The following NHSL1 variants were observed in gnomAD, a reference collection of about 807,000 sequenced individuals.
NHSL1 encodes the protein NHS-like protein 1.
A neutral mutation model predicts 95.0 loss-of-function variants in NHSL1; 48 were observed. That is an observed-to-expected ratio of 0.51 (90% confidence interval 0.40 to 0.64). The LOEUF (loss-of-function observed/expected upper bound fraction) is 0.64. NHSL1 is among the 30% of genes least tolerant of loss of function. The pLI, the probability that NHSL1 is intolerant of heterozygous loss-of-function variation, is 0.00. For synonymous variants in NHSL1, 783 were observed against 833.9 expected (o/e 0.94, Z 1.05); for missense variants, 1,971 against 2,077.7 (o/e 0.95, Z 1.00).
At chr6:138,545,794 C>G, upstream of NHSL1, 1 of 1,198,078 alleles carries the variant, frequency 8.3e-7, no homozygotes, top group Non-Finnish European at 1.1e-6. Context: ...TGCCCAATCC[C>G]CAGCCTGCTG....
intron 1 of NHSL1, among the ~76,000 whole-genome samples, chr6:138,640,696 A>G (rs1784948635): frequency 6.6e-6 from 1 of 152,254 alleles, no homozygotes; most frequent in Admixed American, 6.5e-5. Flanking sequence ...GCTTCTGGTC[A>G]ACAGAAGGTC....
Position 138,432,136 on chromosome 6 carries a change from G to C in NHSL1, c.2209C>G (p.Arg737Gly). The change falls in exon 6 of 8, where the codon CGG becomes GGG. Residue 737 changes from arginine to glycine, a missense_variant. Coordinates refer to ENST00000343505, the MANE Select transcript of NHSL1 (RefSeq NM_001144060.2). The surrounding 1 kb of genome is among the most constrained non-coding windows in gnomAD (Gnocchi z 4.4). ...CCAGCACTAACTGTGCTCTGGCTCC[G>C]GGAGCGGGGCAGCCAGGGCTCTTCC... ...DLEEPWLPRS[R>G]SQSTVSAGSS... The C allele has an allele frequency of 1.9e-6, 3 of 1,549,642 alleles. No individual in the cohort carries two copies. Among genetic ancestry groups the C allele is most frequent in the African/African-American group, 1.4e-5 (1 of 73,152 alleles).
intron 1 of NHSL1, among the ~76,000 whole-genome samples, chr6:138,644,858 A>C (rs1784996819): frequency 6.6e-6 from 1 of 152,232 alleles, no homozygotes; most frequent in Admixed American, 6.5e-5. Context: ...TATTGGTAGA[A>C]TACTTACTAT....
chr6:138,676,257 C>T lies in NHSL1; in HGVS notation c.96+16219G>A, dbSNP rs149595694. Among the ~76,000 whole-genome samples, 483 of 152,148 alleles carry T rather than the reference C, an allele frequency of 3.2e-3. 2 individuals are homozygous for T. The highest frequency in any genetic ancestry group is 0.011 in the African/African-American group (466 of 41,514). ...AAAAGATCCAAAAACCTCAAAATAACCCAATTAACAAATCTAACCATCAGC... is the reference window on the plus strand; with the variant it reads ...AAAAGATCCAAAAACCTCAAAATAATCCAATTAACAAATCTAACCATCAGC... On this transcript the variant is annotated intron_variant, in intron 1 of 3. Coordinates refer to the NHSL1 transcript ENST00000491526.
At chr6:138,442,708 A>G (rs1314391718) in intron 4 of NHSL1, among the ~76,000 whole-genome samples, 2 of 152,238 alleles carry the variant, frequency 1.3e-5, no homozygotes, top group African/African-American at 4.8e-5. Context: ...TTTTACCACA[A>G]TGAGACCCAG....
At chr6:138,529,315 TAGAA>T (rs1311368990) in intron 1 of NHSL1, among the ~76,000 whole-genome samples, 2 of 152,210 alleles carry the variant, frequency 1.3e-5, no homozygotes, top group Non-Finnish European at 2.9e-5. Flanking sequence ...TCAAATCTAA[TAGAA>T]AGGTTCCCAA....
intron 3 of NHSL1, among the ~76,000 whole-genome samples, chr6:138,459,888 T>C (rs1475321273): frequency 2.0e-5 from 3 of 152,202 alleles, no homozygotes; most frequent in Non-Finnish European, 4.4e-5. Flanking sequence ...CATCCTTGCA[T>C]TGCTATCGGA....
chr6:138,688,242 C>T (rs1186499564), intron 1 of NHSL1, among the ~76,000 whole-genome samples: 1 of 152,086 alleles, frequency 6.6e-6, no homozygotes, highest in East Asian at 1.9e-4. Context: ...GTGAGCCACT[C>T]CACCCGGCCA....
At chr6:138,613,034 C>G (rs1784534718) in intron 1 of NHSL1, among the ~76,000 whole-genome samples, 1 of 152,154 alleles carries the variant, frequency 6.6e-6, no homozygotes, top group Non-Finnish European at 1.5e-5. Context: ...AGATTTCAAG[C>G]AAACCCTAAG....
chr6:138,674,021 A>T (rs1304860895), intron 1 of NHSL1, among the ~76,000 whole-genome samples: 1 of 152,240 alleles, frequency 6.6e-6, no homozygotes, highest in Non-Finnish European at 1.5e-5. Context: ...GTATTTTATC[A>T]GTAGATAAAT....
intron 3 of NHSL1, among the ~76,000 whole-genome samples, chr6:138,471,637 G>C (rs751534241): frequency 5.3e-5 from 8 of 151,914 alleles, no homozygotes; most frequent in Non-Finnish European, 8.8e-5. Context: ...TGACCAAAGG[G>C]GACAACATTT....
Position 138,430,540 on chromosome 6 carries a change from C to T in NHSL1, c.3805G>A (p.Gly1269Arg), listed in dbSNP as rs755169891. The change falls in exon 6 of 8, where the codon GGA becomes AGA. Residue 1269 changes from glycine to arginine, a missense_variant. This residue lies in a region of NHSL1 where 1,602 missense variants were observed against 1,654.5 expected (regional missense o/e 0.97). Transcript: ENST00000343505. The surrounding 1 kb of genome is among the most constrained non-coding windows in gnomAD (Gnocchi z 4.7). ...GTSVLEGGAA[G>R]SMSPSRVEAN... ...TCCACTCTGCTGGGAGACATGGATC[C>T]TGCAGCTCCTCCCTCAAGAACCGAG... The T allele has an allele frequency of 1.1e-4, 170 of 1,551,210 alleles. No homozygotes were observed. Among genetic ancestry groups the T allele is most frequent in the Non-Finnish European group, 1.4e-4 (166 of 1,146,740 alleles).
chr6:138,584,933 C>T (rs774714150), intron 1 of NHSL1, among the ~76,000 whole-genome samples: 5 of 152,132 alleles, frequency 3.3e-5, no homozygotes, highest in Non-Finnish European at 7.3e-5. Context: ...ACAGAGCTGC[C>T]GCAAAATGCA....
chr6:138,480,828 G>A (rs2128260052), intron 2 of NHSL1, among the ~76,000 whole-genome samples: 1 of 152,224 alleles, frequency 6.6e-6, no homozygotes, highest in South Asian at 2.1e-4. Flanking sequence ...GATTTTTAAA[G>A]CTAATACTAC....
At chr6:138,603,735 C>T (rs1273850166) in intron 1 of NHSL1, among the ~76,000 whole-genome samples, 1 of 152,170 alleles carries the variant, frequency 6.6e-6, no homozygotes, top group East Asian at 1.9e-4. Flanking sequence ...AAAACAGAAG[C>T]ATGTCAGGTA....
intron 1 of NHSL1, among the ~76,000 whole-genome samples, chr6:138,673,317 GAA>G (rs202133946): frequency 4.4e-5 from 5 of 113,218 alleles, no homozygotes; most frequent in East Asian, 2.5e-4. Context: ...TATTTAACCA[GAA>G]AAAAAAAAAA....
chr6:138,505,675 AAT>A (rs1175250095), intron 1 of NHSL1, among the ~76,000 whole-genome samples: 1 of 149,456 alleles, frequency 6.7e-6, no homozygotes, highest in East Asian at 2.0e-4. Flanking sequence ...AAAAAAAAAG[AAT>A]ATGAAATATA....
chr6:138,584,084 A>C (rs185486612), intron 1 of NHSL1, among the ~76,000 whole-genome samples: 13 of 152,330 alleles, frequency 8.5e-5, no homozygotes, highest in Admixed American at 2.6e-4. Context: ...GCACCACTGC[A>C]CTCCAGCCTG....
chr6:138,524,577 T>C lies in NHSL1; in HGVS notation c.16+21046A>G, dbSNP rs184446143. Among the ~76,000 whole-genome samples, 360 of 152,344 alleles carry C rather than the reference T, an allele frequency of 2.4e-3. 2 individuals are homozygous for C. The highest frequency in any genetic ancestry group is 1.2e-3 in the South Asian group (6 of 4,834). On this transcript the variant is annotated intron_variant, in intron 1 of 4. Transcript: ENST00000342260. ...ATGGTAAAAGATTACTTATCTGTTG[T>C]ATTATTAATGGACATTTAGTGTTTT...
Sources: allele counts gnomAD v4.1 joint callset (sites outside exome capture counted in the v4.1 genomes callset), GRCh38; gene constraint gnomAD v4.1.1; regional missense constraint gnomAD v4.1.1; non-coding constraint Gnocchi (gnomAD v3.1); transcripts MANE v1.5; gene names NCBI Gene and HGNC (gene_info 2026-07-23, HGNC 2026-07-21).